Variants in RFX3 observed in about 807,000 individuals in gnomAD.
The protein encoded by RFX3 is transcription factor RFX3.
RFX3 carries 14 observed loss-of-function variants against 98.6 expected under a neutral mutation model. The ratio of observed to expected loss-of-function variants is 0.14; its 90% confidence interval spans 0.09 to 0.22. RFX3 has a LOEUF of 0.22. Among genes scored for constraint, RFX3 ranks in the 10% least tolerant of loss-of-function variants. The pLI, the probability that RFX3 is intolerant of heterozygous loss-of-function variation, is 1.00. For missense variants in RFX3, 639 were observed against 926.9 expected, an observed-to-expected ratio of 0.69 and a Z score of 4.03; for synonymous variants, 383 against 328.4, an observed-to-expected ratio of 1.17 and a Z score of -1.80.
chr9:3,454,741 T>C (rs1218657759), intron 1 of RFX3, among the ~76,000 whole-genome samples: 1 of 152,188 alleles, frequency 6.6e-6, no homozygotes, highest in African/African-American at 2.4e-5. Context: ...ACTATTTTTT[T>C]CCCCACAAAT....
intron 1 of RFX3, among the ~76,000 whole-genome samples, chr9:3,474,416 G>C (rs1241301931): frequency 1.3e-5 from 2 of 152,144 alleles, no homozygotes; most frequent in African/African-American, 2.4e-5. Flanking sequence ...GACTATGAAA[G>C]TACCACTGAA....
At chr9:3,266,543 G>GA (rs1037967357) in intron 11 of RFX3, among the ~76,000 whole-genome samples, 33 of 150,718 alleles carry the variant, frequency 2.2e-4, no homozygotes, top group Admixed American at 1.7e-3. Context: ...GCTTTTTTGG[G>GA]AAAAAAAAGG....
chr9:3,335,423 G>C (rs904973339), intron 3 of RFX3, among the ~76,000 whole-genome samples: 1 of 151,918 alleles, frequency 6.6e-6, no homozygotes, highest in Non-Finnish European at 1.5e-5. Flanking sequence ...ATTGTATACT[G>C]AATATATTCT....
At chr9:3,497,175 C>A (rs1851173610) in intron 1 of RFX3, among the ~76,000 whole-genome samples, 2 of 151,928 alleles carry the variant, frequency 1.3e-5, no homozygotes, top group African/African-American at 4.8e-5. Context: ...ACAATATGTA[C>A]CAATTCAGGC....
chr9:3,256,879 A>C, intron 14 of RFX3, 112 bp downstream of exon 14: 4 of 997,492 alleles, frequency 4.0e-6, no homozygotes, highest in Non-Finnish European at 6.0e-6. Flanking sequence ...GTTTCCACAA[A>C]CTAAAGTCTT....
At chr9:3,361,102 C>A (rs1455187703) in intron 2 of RFX3, among the ~76,000 whole-genome samples, 2 of 152,076 alleles carry the variant, frequency 1.3e-5, no homozygotes, top group African/African-American at 2.4e-5. Context: ...TAGGAGAGCT[C>A]TTAGCAGATT....
chr9:3,428,106 A>T (rs1262039168), intron 1 of RFX3, among the ~76,000 whole-genome samples: 1 of 152,160 alleles, frequency 6.6e-6, no homozygotes, highest in African/African-American at 2.4e-5. Flanking sequence ...AACATGTGAA[A>T]AGTTGCCTCA....
At chr9:3,520,009 C>T (rs1818548303) in intron 1 of RFX3, among the ~76,000 whole-genome samples, 1 of 152,090 alleles carries the variant, frequency 6.6e-6, no homozygotes, top group Non-Finnish European at 1.5e-5. Context: ...ACTCAGGAGG[C>T]TGTGGCAGGA....
At chr9:3,411,091 G>A (rs1409796208) in intron 1 of RFX3, among the ~76,000 whole-genome samples, 1 of 152,112 alleles carries the variant, frequency 6.6e-6, no homozygotes, top group Non-Finnish European at 1.5e-5. Context: ...ACAAATATGA[G>A]CTGATTACTT....
intron 4 of RFX3, among the ~76,000 whole-genome samples, chr9:3,329,340 A>G (rs1832301345): frequency 7.0e-6 from 1 of 143,652 alleles, no homozygotes; most frequent in Non-Finnish European, 1.5e-5. Flanking sequence ...CCCAGAAGGC[A>G]GAGGTTGCAG....
At chr9:3,342,830 G>C (rs913229852) in intron 3 of RFX3, among the ~76,000 whole-genome samples, 1 of 152,132 alleles carries the variant, frequency 6.6e-6, no homozygotes, top group African/African-American at 2.4e-5. Flanking sequence ...TCAAGCCTTT[G>C]GGAAATCTTG....
chr9:3,458,830 G>A (rs1847429982), intron 1 of RFX3, among the ~76,000 whole-genome samples: 1 of 152,144 alleles, frequency 6.6e-6, no homozygotes, highest in African/African-American at 2.4e-5. Context: ...GATGGATATA[G>A]AAACTTTGGT....
At chr9:3,480,506 A>C (rs1849654074) in intron 1 of RFX3, among the ~76,000 whole-genome samples, 1 of 152,194 alleles carries the variant, frequency 6.6e-6, no homozygotes, top group Non-Finnish European at 1.5e-5. Context: ...ACTTCACACG[A>C]GCATGAATGC....
At chr9:3,240,142 T>C (rs1353277785) in intron 15 of RFX3, among the ~76,000 whole-genome samples, 5 of 152,240 alleles carry the variant, frequency 3.3e-5, no homozygotes, top group Non-Finnish European at 5.9e-5. Context: ...GGTATGGAAC[T>C]CAGGGGAGAC....
intron 1 of RFX3, among the ~76,000 whole-genome samples, chr9:3,415,360 G>A (rs533177840): frequency 1.5e-4 from 22 of 151,542 alleles, no homozygotes; most frequent in South Asian, 6.2e-4. Flanking sequence ...GATTAGAGGC[G>A]TGAGCCACCC....
At chr9:3,371,475 A>C (rs1023309430) in intron 2 of RFX3, among the ~76,000 whole-genome samples, 12 of 152,164 alleles carry the variant, frequency 7.9e-5, no homozygotes, top group Non-Finnish European at 1.8e-4. Context: ...TTTGGGGATA[A>C]TTTCAGTGAT....
intron 4 of RFX3, among the ~76,000 whole-genome samples, chr9:3,309,861 T>G (rs558720710): frequency 1.1e-4 from 17 of 152,272 alleles, no homozygotes; most frequent in Non-Finnish European, 7.4e-5. Flanking sequence ...TGCTCTCAGG[T>G]TTAAGTGTTC....
At chr9:3,314,587 A>G (rs957542927) in intron 4 of RFX3, among the ~76,000 whole-genome samples, 3 of 152,214 alleles carry the variant, frequency 2.0e-5, no homozygotes, top group Admixed American at 6.5e-5. Context: ...CAAATTGGAT[A>G]AAGACTCAAG....
intron 1 of RFX3, among the ~76,000 whole-genome samples, chr9:3,445,957 A>G (rs1010895171): frequency 1.3e-5 from 2 of 152,120 alleles, no homozygotes; most frequent in Non-Finnish European, 2.9e-5. Flanking sequence ...TTCCAGTCAC[A>G]TTTAGATGTA....
Sources: allele counts gnomAD v4.1 joint callset (sites outside exome capture counted in the v4.1 genomes callset), GRCh38; gene constraint gnomAD v4.1.1; transcripts MANE v1.5; gene names NCBI Gene and HGNC (gene_info 2026-07-23, HGNC 2026-07-21).